Variants in ACACA observed in about 807,000 individuals in gnomAD.
ACACA encodes the protein acetyl-CoA carboxylase 1.
In ACACA, 103 loss-of-function variants were observed where a neutral mutation model predicts 296.1. The ratio of observed to expected loss-of-function variants is 0.35; its 90% CI spans 0.30 to 0.41. ACACA has a LOEUF of 0.41. Among genes scored for constraint, ACACA ranks in the 10% least tolerant of loss-of-function variants. ACACA has a pLI of 1.00. For missense variants in ACACA, 1,554 were observed against 2,989.7 expected (o/e 0.52, Z 11.20); for synonymous variants, 953 against 1,038.6 (o/e 0.92, Z 1.58).
intron 45 of ACACA, chr17:37,143,662 A>G (rs1013845976): frequency 1.4e-5 from 12 of 888,442 alleles, no homozygotes; most frequent in Admixed American, 2.2e-5. Context: ...CAAGAAAAAA[A>G]TCTGTGCTAG....
At chr17:37,133,094 C>T (rs978819026) in intron 45 of ACACA, among the ~76,000 whole-genome samples, 1 of 152,142 alleles carries the variant, frequency 6.6e-6, no homozygotes, top group Admixed American at 6.5e-5. Context: ...AGAAAATTCA[C>T]TTAATTCAGA....
intron 41 of ACACA, among the ~76,000 whole-genome samples, chr17:37,178,983 T>C (rs2077221183): frequency 1.3e-5 from 2 of 152,202 alleles, no homozygotes; most frequent in Admixed American, 1.3e-4. Context: ...CATCTGTAAA[T>C]GTCTTAGTCT....
intron 1 of ACACA, among the ~76,000 whole-genome samples, chr17:37,355,610 A>G (rs1347335752): frequency 6.6e-6 from 1 of 151,190 alleles, no homozygotes; most frequent in Non-Finnish European, 1.5e-5. Flanking sequence ...AATCCCAGCA[A>G]TTTGGGAGGC....
intron 2 of ACACA, among the ~76,000 whole-genome samples, chr17:37,337,728 T>C (rs1325145082): frequency 6.6e-6 from 1 of 152,100 alleles, no homozygotes; most frequent in African/African-American, 2.4e-5. Context: ...GTTGGGATTA[T>C]CAGTGTGAGC....
intron 1 of ACACA, among the ~76,000 whole-genome samples, chr17:37,341,302 T>C (rs1057345803): frequency 6.6e-6 from 1 of 152,158 alleles, no homozygotes; most frequent in Non-Finnish European, 1.5e-5. Context: ...AGATATACCA[T>C]AGTTTATGAC....
intron 1 of ACACA, among the ~76,000 whole-genome samples, chr17:37,395,613 C>T (rs777134264): frequency 4.0e-5 from 6 of 151,880 alleles, no homozygotes; most frequent in Admixed American, 6.6e-5. Context: ...GGCGTGATCT[C>T]GGCTCACCGC....
intron 55 of ACACA, 33 bp downstream of exon 55, chr17:37,088,905 C>T: frequency 1.2e-6 from 2 of 1,613,262 alleles, no homozygotes; most frequent in East Asian, 2.2e-5. Context: ...ATTAGCCCTC[C>T]TTCTCTAGTG....
chr17:37,381,059 G>A (rs139204373), intron 1 of ACACA, among the ~76,000 whole-genome samples: 13 of 151,948 alleles, frequency 8.6e-5, no homozygotes, highest in South Asian at 4.2e-4. Context: ...ATTTCCTTCC[G>A]GAGATACTCT....
At chr17:37,304,212 A>T (rs150463906) in intron 3 of ACACA, among the ~76,000 whole-genome samples, 150 of 151,984 alleles carry the variant, frequency 9.9e-4, no homozygotes, top group Non-Finnish European at 1.5e-3. Flanking sequence ...TTTTATTTTT[A>T]ATTTTTTGAG....
chr17:37,091,011 T>C (rs1209409574), intron 54 of ACACA, among the ~76,000 whole-genome samples: 1 of 152,200 alleles, frequency 6.6e-6, no homozygotes, highest in African/African-American at 2.4e-5. Context: ...TTATTAATCA[T>C]TTTTAATCCG....
At chr17:37,303,918 G>GC (rs1228825040) in intron 3 of ACACA, among the ~76,000 whole-genome samples, 12 of 152,262 alleles carry the variant, frequency 7.9e-5, no homozygotes, top group Admixed American at 2.0e-4. Context: ...ATTCCCACCA[G>GC]CAATGTACAA....
At chr17:37,272,600 A>G (rs2082117434) in intron 9 of ACACA, among the ~76,000 whole-genome samples, 1 of 152,174 alleles carries the variant, frequency 6.6e-6, no homozygotes, top group African/African-American at 2.4e-5. Flanking sequence ...GAGGTCAGTA[A>G]GTAAGAAGGT....
intron 50 of ACACA, among the ~76,000 whole-genome samples, chr17:37,119,713 T>C (rs1249311538): frequency 6.7e-6 from 1 of 149,710 alleles, no homozygotes; most frequent in Admixed American, 6.7e-5. Flanking sequence ...TAAGGAAAAA[T>C]TGTCGGCAAA....
At position 37,252,893 on chromosome 17, in the gene ACACA, T is replaced by C. The variant is rs768514973; in HGVS notation, c.1970A>G (p.Lys657Arg). The change falls in exon 15 of 56, where the codon AAA becomes AGA. Residue 657 changes from lysine to arginine, a missense_variant. Coordinates refer to ENST00000616317, the MANE Select transcript of ACACA (RefSeq NM_198834.3). The stretch of plus-strand genomic sequence containing the variant: ...TTGTGGAGAAATACACACCTGTACT[T>C]TTTCTGCTATCAGTCTGTCCAGCCA... ...TGWLDRLIAE[K>R]VQAERPDTML... 6.2e-7 allele frequency: 1 copy of C among 1,614,150 alleles called. No homozygotes were observed. Among genetic ancestry groups the C allele is most frequent in the South Asian group, 1.1e-5 (1 of 91,086 alleles).
At chr17:37,260,248 T>G (rs2081387934) in intron 11 of ACACA, among the ~76,000 whole-genome samples, 1 of 50,252 alleles carries the variant, frequency 2.0e-5, no homozygotes, top group Non-Finnish European at 3.4e-5. Context: ...AACTCCCAAG[T>G]CATATATATA....
At position 37,085,835 on chromosome 17, in the gene ACACA, C is replaced by T. The variant is rs974823879; in HGVS notation, c.*1481G>A. On this transcript the variant is annotated 3_prime_UTR_variant, in exon 56 of 56. Transcript: ENST00000616317. ...CTCAGAACTGTGGCTTGTCCAAGAA[C>T]GTTCATACCACTGCTTCTCAAATGT... 5 of 398,954 alleles carry T rather than the reference C, an allele frequency of 1.3e-5. No individual in the cohort carries two copies. The highest frequency in any genetic ancestry group is 2.1e-5 in the African/African-American group (1 of 48,622). The allele number at this position is 398,954 out of a possible 1,614,324, so 24.7% of individuals were successfully genotyped here.
chr17:37,276,622 C>T (rs775026073), intron 7 of ACACA, among the ~76,000 whole-genome samples: 2 of 152,154 alleles, frequency 1.3e-5, no homozygotes, highest in Non-Finnish European at 2.9e-5. Context: ...AGGAGTATCA[C>T]CTATATGCTT....
In ACACA at chr17:37,406,291, C is replaced by A; in HGVS notation, c.9G>T (p.Trp3Cys). 6.2e-7 allele frequency: 1 copy of A among 1,614,200 alleles called. No homozygotes were observed. Among genetic ancestry groups the A allele is most frequent in the Non-Finnish European group, 8.5e-7 (1 of 1,180,020 alleles). ...CCCTCAAGATTGACATCAGAGTAGACCACCACATCCTCTCATCATTGCGCC... is the reference window on the plus strand; with the variant it reads ...CCCTCAAGATTGACATCAGAGTAGAACACCACATCCTCTCATCATTGCGCC... MW[W>C]STLMSILRAR... Residue 3 changes from tryptophan to cysteine, a missense_variant, in exon 1 of 56, where the codon TGG (tryptophan) becomes TGT (cysteine). Trp to Cys is a radical substitution (Grantham distance 215). Coordinates refer to ENST00000616317, the MANE Select transcript of ACACA (RefSeq NM_198834.3).
intron 36 of ACACA, 136 bp from the exon 37 acceptor site, chr17:37,192,441 C>T (rs1413328542): frequency 8.7e-6 from 7 of 803,994 alleles, no homozygotes; most frequent in Admixed American, 4.2e-5. Context: ...AAATGAGCTA[C>T]ATTCAAGGCT....
Sources: gnomAD v4.1 joint callset for allele counts (sites outside exome capture counted in the v4.1 genomes callset) on GRCh38, gnomAD v4.1.1 for gene constraint, MANE v1.5 for transcripts, NCBI Gene and HGNC (gene_info 2026-07-23, HGNC 2026-07-21) for gene names.